Variants in ESYT2 observed in about 807,000 individuals in gnomAD.
The protein encoded by ESYT2 is extended synaptotagmin 2.
Under a neutral mutation model 107.2 loss-of-function variants are expected in ESYT2, and 54 were observed. That is an observed-to-expected ratio of 0.50 (90% CI 0.40 to 0.63). ESYT2 has a LOEUF of 0.63. Among genes scored for constraint, ESYT2 ranks in the 30% least tolerant of loss-of-function variants. The pLI is 0.00. For missense variants in ESYT2, 1,020 were observed against 1,094.5 expected, an observed-to-expected ratio of 0.93 and a Z score of 0.96; for synonymous variants, 491 against 434.1, an observed-to-expected ratio of 1.13 and a Z score of -1.63.
chr7:158,761,165 A>G (rs923324749), intron 11 of ESYT2, among the ~76,000 whole-genome samples: 1 of 152,036 alleles, frequency 6.6e-6, no homozygotes. Flanking sequence ...AATCTCCATC[A>G]CTAGGGGGCA....
At chr7:158,802,902 T>C (rs958922355) in intron 1 of ESYT2, among the ~76,000 whole-genome samples, 1 of 152,290 alleles carries the variant, frequency 6.6e-6, no homozygotes, top group African/African-American at 2.4e-5. Context: ...ATCAAGTTCA[T>C]TTATTCAAGA....
chr7:158,810,401 G>A (rs577875656), intron 1 of ESYT2, among the ~76,000 whole-genome samples: 7 of 152,272 alleles, frequency 4.6e-5, no homozygotes, highest in East Asian at 1.9e-4. Context: ...GAAGTGGGCC[G>A]GGCATGGTGT....
chr7:158,782,172 GGT>G (rs879856172), intron 6 of ESYT2, among the ~76,000 whole-genome samples: 33 of 151,824 alleles, frequency 2.2e-4, no homozygotes, highest in East Asian at 7.8e-4. Flanking sequence ...AGAACAGTGA[GGT>G]GTGAGTGTGA....
chr7:158,804,158 G>A (rs1345558530), intron 1 of ESYT2, among the ~76,000 whole-genome samples: 2 of 49,430 alleles, frequency 4.0e-5, no homozygotes. Context: ...AACCCAAACC[G>A]TCGAGAAGGG....
intron 7 of ESYT2, among the ~76,000 whole-genome samples, chr7:158,770,538 G>A (rs1367886223): frequency 1.3e-5 from 2 of 149,842 alleles, no homozygotes; most frequent in African/African-American, 4.9e-5. Flanking sequence ...TTCCTGAGAC[G>A]GAGTCTCACT....
At chr7:158,761,925 G>A (rs993415505) in intron 10 of ESYT2, among the ~76,000 whole-genome samples, 6 of 152,034 alleles carry the variant, frequency 3.9e-5, no homozygotes, top group African/African-American at 1.2e-4. Context: ...ACGTCCTCTT[G>A]GAACGTCTTA....
chr7:158,760,016 A>G (rs763908904), intron 12 of ESYT2, 42 bp downstream of exon 12: 1 of 1,565,310 alleles, frequency 6.4e-7, no homozygotes, highest in South Asian at 1.1e-5. Flanking sequence ...TATGAGGAGT[A>G]GTTGGTTAGG....
chr7:158,821,905 G>A (rs779925332), intron 1 of ESYT2, among the ~76,000 whole-genome samples: 8 of 152,126 alleles, frequency 5.3e-5, no homozygotes, highest in East Asian at 3.8e-4. Context: ...TAGCATGTCC[G>A]TAAATTTATA....
intron 3 of ESYT2, among the ~76,000 whole-genome samples, chr7:158,794,337 T>C (rs1839397611): frequency 6.6e-6 from 1 of 151,784 alleles, no homozygotes; most frequent in African/African-American, 2.4e-5. Context: ...CTACAAAAAG[T>C]AAAAAAAATT....
In ESYT2 at chr7:158,746,599, G is replaced by A. The variant is rs530871655; in HGVS notation, c.1644+1595C>T. Among the ~76,000 whole-genome samples the A allele has an allele frequency of 5.3e-5, 8 of 152,174 alleles. No homozygotes were observed. In the South Asian group the frequency reaches 1.7e-3, roughly 32 times the overall value. Reference sequence around the variant, plus strand: ...GACAGACATATAGAACAATGGAACAGAAGGAATTCCAGAAACAGACCTATA... The same window carrying A: ...GACAGACATATAGAACAATGGAACAAAAGGAATTCCAGAAACAGACCTATA... On this transcript the variant is annotated intron_variant, in intron 16 of 22. Coordinates refer to ENST00000275418, the MANE Select transcript of ESYT2 (RefSeq NM_001367773.1).
chr7:158,748,703 C>CT lies in ESYT2; in HGVS notation c.1558-424dup, dbSNP rs1376130677. On this transcript the variant is annotated intron_variant, in intron 15 of 22. Coordinates refer to ENST00000275418, the MANE Select transcript of ESYT2 (RefSeq NM_001367773.1). ...ACCTGTAACTTCGGGCAATTTCTTT[C>CT]TTTTTTTTTTTATTTTTTATTTTTT... 3.0e-3 allele frequency among the ~76,000 whole-genome samples: 435 copies of CT among 146,928 alleles called. 2 individuals are homozygous for CT. Among genetic ancestry groups the CT allele is most frequent in the African/African-American group, 1.0e-2 (401 of 40,188 alleles).
At chr7:158,790,240 C>T (rs904946098) in intron 4 of ESYT2, among the ~76,000 whole-genome samples, 11 of 152,158 alleles carry the variant, frequency 7.2e-5, no homozygotes, top group African/African-American at 2.4e-4. Flanking sequence ...CAACTTTGTA[C>T]ATTCACTATA....
chr7:158,770,391 T>C (rs1338186999), intron 7 of ESYT2, among the ~76,000 whole-genome samples: 2 of 151,646 alleles, frequency 1.3e-5, no homozygotes, highest in Non-Finnish European at 2.9e-5. Flanking sequence ...TATATAAACT[T>C]AGAAAAGATA....
Position 158,793,698 on chromosome 7 carries a change from TATA to T in ESYT2, c.533_535del (p.Val178_Tyr179delinsAsp). Reference sequence around the variant, plus strand: ...TTGCCTTTTGTCTACATTTTCAGTGTATACCTTAACACCATTGATCCTGAGGGG... The same window carrying T: ...TTGCCTTTTGTCTACATTTTCAGTGTCCTTAACACCATTGATCCTGAGGGG... On this transcript the variant is annotated inframe_deletion, in exon 4 of 23. Transcript: ENST00000275418. 1 of 1,613,630 alleles carries T rather than the reference TATA, an allele frequency of 6.2e-7. No homozygotes were observed. The highest frequency in any genetic ancestry group is 8.5e-7 in the Non-Finnish European group (1 of 1,179,862).
intron 13 of ESYT2, among the ~76,000 whole-genome samples, chr7:158,753,787 C>T (rs762398877): frequency 2.6e-5 from 4 of 151,860 alleles, no homozygotes; most frequent in Non-Finnish European, 4.4e-5. Flanking sequence ...CCACTGCGTC[C>T]GTCTCTAGGT....
chr7:158,816,740 T>C (rs956380103), intron 1 of ESYT2, among the ~76,000 whole-genome samples: 5 of 152,144 alleles, frequency 3.3e-5, no homozygotes, highest in African/African-American at 1.2e-4. Flanking sequence ...TTTTAAAACT[T>C]TGCTTCACAC....
chr7:158,754,559 T>A (rs556567750), intron 13 of ESYT2, among the ~76,000 whole-genome samples: 5 of 152,162 alleles, frequency 3.3e-5, no homozygotes, highest in African/African-American at 9.6e-5. Context: ...GCTCCTAGCA[T>A]CATTAGGCCT....
chr7:158,742,138 G>C (rs1330746912), intron 17 of ESYT2, among the ~76,000 whole-genome samples: 1 of 152,120 alleles, frequency 6.6e-6, no homozygotes, highest in African/African-American at 2.4e-5. Context: ...TCTTCACAGG[G>C]GTGACCATCG....
rs35849036 is a variant in ESYT2 at position 158,810,688 on chromosome 7, G to GA, written c.331-11617dup. 9.6e-3 allele frequency among the ~76,000 whole-genome samples: 1,431 copies of GA among 149,662 alleles called. 16 individuals are homozygous for GA. The highest frequency in any genetic ancestry group is 0.031 in the African/African-American group (1,274 of 40,770). On this transcript the variant is annotated intron_variant, in intron 1 of 22. Coordinates refer to ENST00000275418, the MANE Select transcript of ESYT2 (RefSeq NM_001367773.1). ...TAGAGCGAGACCCTGTCTTGGGGGG[G>GA]AAAAAAAAAGGCTCATCATAAAGAC...
Sources: gnomAD v4.1 joint callset for allele counts (sites outside exome capture counted in the v4.1 genomes callset) on GRCh38, gnomAD v4.1.1 for gene constraint, MANE v1.5 for transcripts, NCBI Gene and HGNC (gene_info 2026-07-23, HGNC 2026-07-21) for gene names.